AHCYL2: variants seen among roughly 807,000 people sequenced by gnomAD.
AHCYL2 encodes the protein S-adenosylhomocysteine hydrolase-like protein 2.
A neutral mutation model predicts 81.4 loss-of-function variants in AHCYL2; 28 were observed. That is an observed-to-expected ratio of 0.34 (90% CI 0.25 to 0.47). The LOEUF is 0.47. AHCYL2 is among the 20% of genes least tolerant of loss of function. The pLI is 1.00. For synonymous variants in AHCYL2, 272 were observed against 290.2 expected (o/e 0.94, Z 0.64); for missense variants, 551 against 785.1 (o/e 0.70, Z 3.56).
At chr7:129,342,911 T>A (rs897839911) in intron 1 of AHCYL2, among the ~76,000 whole-genome samples, 1 of 152,212 alleles carries the variant, frequency 6.6e-6, no homozygotes, top group Non-Finnish European at 1.5e-5. Flanking sequence ...TGATAATGTA[T>A]TTATACTATG....
intron 1 of AHCYL2, among the ~76,000 whole-genome samples, chr7:129,226,649 A>G (rs1425854653): frequency 1.3e-5 from 2 of 152,238 alleles, no homozygotes; most frequent in Admixed American, 6.5e-5. Flanking sequence ...GGTATAGCGG[A>G]TAATCCTTTC....
rs1450290882 is a variant in AHCYL2, at chr7:129,429,672, G to C, written c.*2627G>C. On this transcript the variant is annotated 3_prime_UTR_variant, in exon 17 of 17. Coordinates refer to ENST00000325006, the MANE Select transcript of AHCYL2 (RefSeq NM_015328.4). ...GTGCTACCGTGCCTGGCACTTTTTT[G>C]CCTTCTTAATGGAGATATTCAGTTT... The C allele has an allele frequency of 6.6e-6, 1 of 152,088 alleles. No homozygotes were observed. Among genetic ancestry groups the C allele is most frequent in the Non-Finnish European group, 1.5e-5 (1 of 67,968 alleles). The allele number at this position is 152,088 out of a possible 1,614,324, so 9.4% of individuals were successfully genotyped here.
chr7:129,412,164 A>G (rs967923744), intron 11 of AHCYL2, among the ~76,000 whole-genome samples: 3 of 152,102 alleles, frequency 2.0e-5, no homozygotes, highest in African/African-American at 7.2e-5. Flanking sequence ...CCTGGGCAAC[A>G]TGGCAAAACT....
At chr7:129,261,858 CTT>C (rs1348677252) in intron 1 of AHCYL2, among the ~76,000 whole-genome samples, 3 of 152,126 alleles carry the variant, frequency 2.0e-5, no homozygotes, top group African/African-American at 7.2e-5. Context: ...CTTTTATTAT[CTT>C]TTCTCCTATT....
intron 1 of AHCYL2, among the ~76,000 whole-genome samples, chr7:129,274,480 G>A (rs993682761): frequency 1.3e-5 from 2 of 152,150 alleles, no homozygotes; most frequent in Non-Finnish European, 2.9e-5. Flanking sequence ...GGTGGTCTGT[G>A]GTAGCTTGTA....
At chr7:129,396,153 T>TG (rs1432382343) in intron 4 of AHCYL2, among the ~76,000 whole-genome samples, 4 of 152,168 alleles carry the variant, frequency 2.6e-5, no homozygotes, top group Non-Finnish European at 5.9e-5. Context: ...GACGGAGTCT[T>TG]GCTCTGTTGC....
intron 12 of AHCYL2, among the ~76,000 whole-genome samples, chr7:129,422,518 TG>T (rs1797163201): frequency 6.6e-6 from 1 of 152,254 alleles, no homozygotes; most frequent in Non-Finnish European, 1.5e-5. Flanking sequence ...TATTGTTTTG[TG>T]TCCCTGGCTA....
intron 1 of AHCYL2, among the ~76,000 whole-genome samples, chr7:129,326,094 G>A (rs995277508): frequency 2.6e-5 from 4 of 151,910 alleles, no homozygotes; most frequent in South Asian, 4.2e-4. Flanking sequence ...TTCATTAATC[G>A]AAATAATAGT....
intron 1 of AHCYL2, among the ~76,000 whole-genome samples, chr7:129,310,839 G>T (rs1450353311): frequency 6.6e-6 from 1 of 152,148 alleles, no homozygotes; most frequent in Non-Finnish European, 1.5e-5. Flanking sequence ...GCCAGGCGTG[G>T]TGGGTCATGC....
At chr7:129,227,767 A>C (rs1794282105) in intron 1 of AHCYL2, among the ~76,000 whole-genome samples, 1 of 152,058 alleles carries the variant, frequency 6.6e-6, no homozygotes, top group African/African-American at 2.4e-5. Context: ...TTGTAGATAT[A>C]CTCAGCAGCC....
intron 1 of AHCYL2, among the ~76,000 whole-genome samples, chr7:129,285,005 G>A (rs2150743899): frequency 6.6e-6 from 1 of 152,270 alleles, no homozygotes; most frequent in South Asian, 2.1e-4. Flanking sequence ...ATATTTTGGA[G>A]TATAAAAAAT....
intron 1 of AHCYL2, among the ~76,000 whole-genome samples, chr7:129,230,405 G>A (rs924967834): frequency 4.0e-5 from 6 of 151,820 alleles, no homozygotes; most frequent in Non-Finnish European, 7.4e-5. Context: ...AAGAGGCCTC[G>A]AAGATAGCTA....
intron 1 of AHCYL2, among the ~76,000 whole-genome samples, chr7:129,241,491 T>C (rs2150689557): frequency 6.6e-6 from 1 of 152,160 alleles, no homozygotes; most frequent in Non-Finnish European, 1.5e-5. Flanking sequence ...CTCGGGAGGC[T>C]GAGGCAGGAG....
chr7:129,407,474 AT>A (rs1389181146), intron 10 of AHCYL2, among the ~76,000 whole-genome samples: 1 of 152,218 alleles, frequency 6.6e-6, no homozygotes, highest in Non-Finnish European at 1.5e-5. Context: ...GTCTCTTGCC[AT>A]CCTCAGCAGG....
intron 13 of AHCYL2, among the ~76,000 whole-genome samples, chr7:129,424,167 A>C (rs1797245320): frequency 6.6e-6 from 1 of 151,778 alleles, no homozygotes; most frequent in South Asian, 2.1e-4. Context: ...AATTCAGGAG[A>C]AGCAAACTGA....
chr7:129,317,175 A>G (rs888839357), intron 1 of AHCYL2, among the ~76,000 whole-genome samples: 2 of 152,198 alleles, frequency 1.3e-5, no homozygotes, highest in African/African-American at 2.4e-5. Flanking sequence ...TAAAAAGCTT[A>G]TATCTCTTCT....
intron 1 of AHCYL2, among the ~76,000 whole-genome samples, chr7:129,360,291 T>A (rs1793886897): frequency 6.6e-6 from 1 of 152,152 alleles, no homozygotes; most frequent in Non-Finnish European, 1.5e-5. Context: ...TAATTTTGTA[T>A]TTTTAGTAGA....
At chr7:129,322,323 A>G (rs1378750339) in intron 1 of AHCYL2, among the ~76,000 whole-genome samples, 2 of 151,408 alleles carry the variant, frequency 1.3e-5, no homozygotes, top group African/African-American at 2.4e-5. Context: ...TATTTTTAGT[A>G]GAGGCGTGGT....
intron 1 of AHCYL2, among the ~76,000 whole-genome samples, chr7:129,315,626 G>T (rs141515524): frequency 4.4e-4 from 67 of 152,294 alleles, no homozygotes; most frequent in African/African-American, 1.4e-3. Flanking sequence ...ACTGTGAGTT[G>T]CTTGAGGGCA....
Sources: allele counts gnomAD v4.1 joint callset (sites outside exome capture counted in the v4.1 genomes callset), GRCh38; gene constraint gnomAD v4.1.1; transcripts MANE v1.5; gene names NCBI Gene and HGNC (gene_info 2026-07-23, HGNC 2026-07-21).